THRB: variants seen among roughly 807,000 people sequenced by gnomAD.
The protein encoded by THRB is nuclear receptor subfamily 1 group A member 2.
THRB carries 12 observed loss-of-function variants against 47.8 expected under a neutral mutation model. That is an observed-to-expected ratio of 0.25 (90% confidence interval 0.16 to 0.41). The LOEUF (loss-of-function observed/expected upper bound fraction) is 0.41, where lower values mean the gene tolerates loss of function less well. Ranked by LOEUF, THRB falls within the 10% of genes least tolerant of loss-of-function variation. The pLI, the probability that THRB is intolerant of heterozygous loss-of-function variation, is 1.00. For missense variants in THRB, 348 were observed against 589.2 expected (o/e 0.59, Z 4.24); for synonymous variants, 218 against 212.2 (o/e 1.03, Z -0.24).
At chr3:24,395,564 A>G (rs1025122693) in intron 1 of THRB, among the ~76,000 whole-genome samples, 5 of 152,124 alleles carry the variant, frequency 3.3e-5, no homozygotes, top group Admixed American at 3.3e-4. Context: ...CTACAGCGAT[A>G]TACCATTTCA....
chr3:24,260,479 G>A lies in THRB; in HGVS notation c.-42-31478C>T, dbSNP rs575542947. On this transcript the variant is annotated intron_variant, in intron 3 of 10. Transcript: ENST00000646209. ...CTGGAAAGCAATGTTTGCCTGTAAA[G>A]CTCCTGTTTATGAGACAGTAGTCAT... 2.6e-5 allele frequency among the ~76,000 whole-genome samples: 4 copies of A among 152,350 alleles called. No individual in the cohort carries two copies. The East Asian group carries it at 7.7e-4, about 29-fold the overall frequency.
intron 4 of THRB, among the ~76,000 whole-genome samples, chr3:24,201,556 T>A (rs897857947): frequency 1.3e-5 from 2 of 152,182 alleles, no homozygotes; most frequent in African/African-American, 4.8e-5. Context: ...AGTCTCCATA[T>A]AAAGTAGACA....
chr3:24,332,578 TGTGACA>T (rs1405572035), intron 2 of THRB, among the ~76,000 whole-genome samples: 83 of 152,358 alleles, frequency 5.4e-4, no homozygotes, highest in African/African-American at 1.9e-3. Context: ...GCCCTGCCAC[TGTGACA>T]GTGAATTCTT....
intron 1 of THRB, among the ~76,000 whole-genome samples, chr3:24,402,671 C>A (rs1011372907): frequency 9.2e-5 from 14 of 151,904 alleles, no homozygotes; most frequent in African/African-American, 3.4e-4. Flanking sequence ...CTAAAAGATA[C>A]TACCATTTAT....
intron 2 of THRB, among the ~76,000 whole-genome samples, chr3:24,325,832 A>G (rs1256258487): frequency 1.3e-5 from 2 of 152,212 alleles, no homozygotes; most frequent in Non-Finnish European, 2.9e-5. Context: ...ATTTTCCAAC[A>G]TGTAATAAAT....
intron 5 of THRB, among the ~76,000 whole-genome samples, chr3:24,185,928 T>C (rs919860998): frequency 6.6e-6 from 1 of 152,084 alleles, no homozygotes; most frequent in Admixed American, 6.5e-5. Context: ...AGGGCTCAAG[T>C]CCCAGGGTGA....
At chr3:24,429,093 T>C (rs2070096976) in intron 1 of THRB, among the ~76,000 whole-genome samples, 1 of 151,706 alleles carries the variant, frequency 6.6e-6, no homozygotes, top group Non-Finnish European at 1.5e-5. Context: ...TCCCATAAAA[T>C]AGCCATAAAA....
chr3:24,405,105 C>T (rs1036034792), intron 1 of THRB, among the ~76,000 whole-genome samples: 3 of 151,872 alleles, frequency 2.0e-5, no homozygotes, highest in East Asian at 1.9e-4. Flanking sequence ...TTTCTGTTTT[C>T]GTGGGTTGTT....
chr3:24,296,919 A>C (rs1325766794), intron 3 of THRB, among the ~76,000 whole-genome samples: 1 of 152,214 alleles, frequency 6.6e-6, no homozygotes, highest in Non-Finnish European at 1.5e-5. Context: ...AGGTAAAATG[A>C]TTCAAACTTT....
intron 1 of THRB, among the ~76,000 whole-genome samples, chr3:24,349,527 G>A (rs1238769236): frequency 2.6e-5 from 4 of 152,068 alleles, no homozygotes; most frequent in Non-Finnish European, 5.9e-5. Flanking sequence ...GAGCTCCAAA[G>A]AGAGTACAAA....
At chr3:24,387,997 T>C (rs1367587627) in intron 1 of THRB, among the ~76,000 whole-genome samples, 6 of 152,076 alleles carry the variant, frequency 3.9e-5, no homozygotes, top group Middle Eastern at 3.2e-3. Context: ...ACACAGTCCA[T>C]GCAGAAAAAC....
At chr3:24,319,364 T>G (rs1176108169) in intron 2 of THRB, among the ~76,000 whole-genome samples, 4 of 152,222 alleles carry the variant, frequency 2.6e-5, no homozygotes. Flanking sequence ...GGTATATCCA[T>G]GTACTCAATA....
At chr3:24,463,288 T>A (rs985895964) in intron 1 of THRB, among the ~76,000 whole-genome samples, 1 of 152,106 alleles carries the variant, frequency 6.6e-6, no homozygotes, top group Non-Finnish European at 1.5e-5. Flanking sequence ...TGAGACAGAG[T>A]CTCATCCTGT....
chr3:24,250,558 G>T (rs769557355), intron 3 of THRB, among the ~76,000 whole-genome samples: 2 of 152,036 alleles, frequency 1.3e-5, no homozygotes, highest in Non-Finnish European at 2.9e-5. Context: ...CAAATTAGCT[G>T]GGCACAGTGG....
chr3:24,199,934 C>T (rs1259421317), intron 4 of THRB, among the ~76,000 whole-genome samples: 1 of 152,154 alleles, frequency 6.6e-6, no homozygotes, highest in Non-Finnish European at 1.5e-5. Flanking sequence ...TGACCAGAGG[C>T]CCTGAGCACT....
At chr3:24,348,016 A>G (rs2063131357) in intron 1 of THRB, among the ~76,000 whole-genome samples, 1 of 152,206 alleles carries the variant, frequency 6.6e-6, no homozygotes, top group Non-Finnish European at 1.5e-5. Flanking sequence ...ATCCCGTAAC[A>G]GTATAAGGGT....
At chr3:24,461,467 A>G (rs73825648) in intron 1 of THRB, among the ~76,000 whole-genome samples, 4,847 of 152,312 alleles carry the variant, frequency 0.032, 277 homozygotes, top group African/African-American at 0.11. Context: ...CATTATAAAA[A>G]ACATTGTGAA....
At chr3:24,141,026 C>A (rs1575359565) in intron 8 of THRB, among the ~76,000 whole-genome samples, 1 of 152,272 alleles carries the variant, frequency 6.6e-6, no homozygotes, top group East Asian at 1.9e-4. Context: ...TCCCAATAAC[C>A]CTCTAGGGAA....
chr3:24,367,729 A>G (rs1481772761), intron 1 of THRB, among the ~76,000 whole-genome samples: 1 of 152,210 alleles, frequency 6.6e-6, no homozygotes, highest in Non-Finnish European at 1.5e-5. Flanking sequence ...ACTCTAAGGC[A>G]CTTCTCACAG....
Sources: gnomAD v4.1 joint callset for allele counts (sites outside exome capture counted in the v4.1 genomes callset) on GRCh38, gnomAD v4.1.1 for gene constraint, MANE v1.5 for transcripts, NCBI Gene and HGNC (gene_info 2026-07-23, HGNC 2026-07-21) for gene names.